The following PLEKHA8 variants were observed in gnomAD, a reference collection of about 807,000 sequenced individuals.
PLEKHA8 encodes pleckstrin homology domain containing A8.
A neutral mutation model predicts 68.2 loss-of-function variants in PLEKHA8; 36 were observed. The observed-to-expected ratio is 0.53, with a 90% confidence interval of 0.40 to 0.70. PLEKHA8 has a LOEUF of 0.70. Among genes scored for constraint, PLEKHA8 ranks in the 30% least tolerant of loss-of-function variants. The probability of loss-of-function intolerance (pLI) is 0.00; values close to 1 mark genes in which losing one functional copy is unlikely to be tolerated. For missense variants in PLEKHA8, 505 were observed against 615.4 expected (o/e 0.82, Z 1.90); for synonymous variants, 211 against 216.1 (o/e 0.98, Z 0.20).
chr7:30,108,083 A>AAAAAAAAAAAAAC (rs780069387), intron 13 of PLEKHA8, among the ~76,000 whole-genome samples: 29 of 144,556 alleles, frequency 2.0e-4, no homozygotes, highest in African/African-American at 5.2e-4. Flanking sequence ...AAAAAAAAAA[A>AAAAAAAAAAAAAC]AAAAAAAAAC....
intron 13 of PLEKHA8, among the ~76,000 whole-genome samples, chr7:30,123,815 A>G (rs1796731494): frequency 6.6e-6 from 1 of 152,186 alleles, no homozygotes; most frequent in South Asian, 2.1e-4. Context: ...GCCATGCCTG[A>G]AGTTATCCAA....
At chr7:30,049,082 C>CT in intron 4 of PLEKHA8, 142 bp from the exon 5 acceptor site, 1 of 985,812 alleles carries the variant, frequency 1.0e-6, no homozygotes, top group Non-Finnish European at 1.5e-6. Flanking sequence ...ATAAATTGGG[C>CT]TTTTCTTTTA....
chr7:30,049,638 A>T (rs933724541), intron 5 of PLEKHA8, among the ~76,000 whole-genome samples: 1 of 152,124 alleles, frequency 6.6e-6, no homozygotes, highest in Non-Finnish European at 1.5e-5. Context: ...TAAAGTTGTG[A>T]TAGTCTTCTA....
At position 30,082,998 on chromosome 7, in the gene PLEKHA8, G is replaced by T. The variant is rs1370096928; in HGVS notation, c.*4211G>T. On this transcript the variant is annotated 3_prime_UTR_variant, in exon 14 of 14. Transcript: ENST00000449726. ...CTGATTTTAGTCACAGGTTTTACAAGTATTCAGCTCTCCCTCATGTTTCAT... is the reference window on the plus strand; with the variant it reads ...CTGATTTTAGTCACAGGTTTTACAATTATTCAGCTCTCCCTCATGTTTCAT... 1.0e-6 allele frequency: 1 copy of T among 985,118 alleles called. No homozygotes were observed. The highest frequency in any genetic ancestry group is 6.2e-5 in the Admixed American group (1 of 16,256). 61.0% of individuals were successfully genotyped at this position (985,118 alleles called of 1,614,324 possible). A position where few individuals can be genotyped will look rare whatever the true frequency, so the allele number is the denominator to read the frequency against.
downstream of PLEKHA8, among the ~76,000 whole-genome samples, chr7:30,088,102 C>G (rs566136044): frequency 6.6e-6 from 1 of 152,336 alleles, no homozygotes; most frequent in African/African-American, 2.4e-5. Flanking sequence ...GTTCTGTTAG[C>G]CAGCTAGATA....
rs756860967 is a variant in PLEKHA8 at position 30,045,166 on chromosome 7, A to G, written c.122A>G (p.Lys41Arg). Reference protein sequence around the residue: ...DSPEDAWKGCKGSIQMAVCEI... With the variant: ...DSPEDAWKGCRGSIQMAVCEI... ...CCTGAAGATGCCTGGAAAGGTTGCA[A>G]AGGGAGCATACAAATGGCAGTCTGT... Residue 41 changes from lysine (K) to arginine (R), a missense_variant, in exon 2 of 14, where the codon AAA (lysine) becomes AGA (arginine). Transcript: ENST00000449726. 2.5e-6 allele frequency: 4 copies of G among 1,611,618 alleles called. No individual in the cohort carries two copies. The highest frequency in any genetic ancestry group is 3.4e-6 in the Non-Finnish European group (4 of 1,178,496).
At chr7:30,105,302 C>A (rs1455278543) in intron 13 of PLEKHA8, among the ~76,000 whole-genome samples, 4 of 121,352 alleles carry the variant, frequency 3.3e-5, no homozygotes, top group Admixed American at 1.0e-4. Context: ...GAAACCCTAT[C>A]TCTATAATTA....
chr7:30,046,473 G>A, intron 3 of PLEKHA8, 108 bp downstream of exon 3: 1 of 1,253,188 alleles, frequency 8.0e-7, no homozygotes. Flanking sequence ...AGCTTTTTGT[G>A]TCATGCAAAT....
intron 9 of PLEKHA8, among the ~76,000 whole-genome samples, chr7:30,059,453 GT>G (rs1793258072): frequency 6.6e-6 from 1 of 151,992 alleles, no homozygotes; most frequent in South Asian, 2.1e-4. Context: ...GAATTACATT[GT>G]TTGGATGAAT....
intron 13 of PLEKHA8, among the ~76,000 whole-genome samples, chr7:30,107,930 G>A (rs1234631423): frequency 6.6e-6 from 1 of 151,980 alleles, no homozygotes; most frequent in Non-Finnish European, 1.5e-5. Flanking sequence ...TTAGCTGGGT[G>A]TGGTGATGCA....
chr7:30,030,669 A>G (rs1790592907), intron 1 of PLEKHA8, among the ~76,000 whole-genome samples: 1 of 152,214 alleles, frequency 6.6e-6, no homozygotes, highest in Admixed American at 6.5e-5. Flanking sequence ...CTGTTCATAG[A>G]AGCCCATCAC....
rs887333385 is a variant in PLEKHA8, at chr7:30,081,326, A to G, written c.*2539A>G. 2.0e-6 allele frequency: 2 copies of G among 984,782 alleles called. No homozygotes were observed. Among genetic ancestry groups the G allele is most frequent in the African/African-American group, 3.5e-5 (2 of 57,246 alleles). The allele number at this position is 984,782 out of a possible 1,614,324, so 61.0% of individuals were successfully genotyped here. ...GTATAAAAGTTTGTTTAAGATGTGT[A>G]AAAGTTTGCTTAAGGAACTGAGGAT... On this transcript the variant is annotated 3_prime_UTR_variant, in exon 14 of 14. Coordinates refer to ENST00000449726, the MANE Select transcript of PLEKHA8 (RefSeq NM_001197026.2).
intron 13 of PLEKHA8, among the ~76,000 whole-genome samples, chr7:30,096,503 G>C (rs1795625035): frequency 6.6e-6 from 1 of 152,098 alleles, no homozygotes; most frequent in South Asian, 2.1e-4. Flanking sequence ...TTTCCTAATT[G>C]AATGCCCTTT....
At chr7:30,071,760 G>A (rs1270864958) in intron 12 of PLEKHA8, 1 of 152,172 alleles carries the variant, frequency 6.6e-6, no homozygotes, top group Non-Finnish European at 1.5e-5. Flanking sequence ...GCCCTGCATG[G>A]AATACTGACA....
intron 13 of PLEKHA8, among the ~76,000 whole-genome samples, chr7:30,108,386 C>T (rs2075168243): frequency 6.6e-6 from 1 of 152,058 alleles, no homozygotes; most frequent in Non-Finnish European, 1.5e-5. Context: ...GCAGTGTTCC[C>T]TCATTTTATA....
chr7:30,029,962 G>A (rs1790533245), intron 1 of PLEKHA8, among the ~76,000 whole-genome samples: 1 of 152,006 alleles, frequency 6.6e-6, no homozygotes, highest in Admixed American at 6.5e-5. Context: ...TTTTTTTTCT[G>A]TAATCATTAA....
intron 1 of PLEKHA8, among the ~76,000 whole-genome samples, chr7:30,040,173 C>T (rs1378902856): frequency 6.6e-6 from 1 of 152,194 alleles, no homozygotes; most frequent in East Asian, 1.9e-4. Context: ...ACCCAGTTCA[C>T]ACAGGCTTAA....
At chr7:30,100,812 T>C (rs1225207547) in intron 13 of PLEKHA8, among the ~76,000 whole-genome samples, 2 of 152,184 alleles carry the variant, frequency 1.3e-5, no homozygotes, top group Non-Finnish European at 2.9e-5. Flanking sequence ...GCAAATGATG[T>C]ATACAAATAA....
In PLEKHA8 at chr7:30,116,949, C is replaced by T. The variant is rs536860660; in HGVS notation, c.1363-12317C>T. Among the ~76,000 whole-genome samples, 9 of 152,210 alleles carry T rather than the reference C, an allele frequency of 5.9e-5. No individual in the cohort carries two copies. The South Asian group carries it at 6.2e-4, about 11-fold the overall frequency. On this transcript the variant is annotated intron_variant, in intron 13 of 13. Transcript: ENST00000396257. Reference sequence around the variant, plus strand: ...CTAGAGGGAATGGCACTCCCCTGCCCGCCTTCCAAAAGCAGTTTGGCTTCA... The same window carrying T: ...CTAGAGGGAATGGCACTCCCCTGCCTGCCTTCCAAAAGCAGTTTGGCTTCA...
Sources: gnomAD v4.1 joint callset for allele counts (sites outside exome capture counted in the v4.1 genomes callset) on GRCh38, gnomAD v4.1.1 for gene constraint, MANE v1.5 for transcripts, NCBI Gene and HGNC (gene_info 2026-07-23, HGNC 2026-07-21) for gene names.